CHAF1B: variants seen among roughly 807,000 people sequenced by gnomAD.
The protein encoded by CHAF1B is chromatin assembly factor 1 subunit B.
Under a neutral mutation model 60.7 loss-of-function variants are expected in CHAF1B, and 10 were observed. The ratio of observed to expected loss-of-function variants is 0.16; its 90% CI spans 0.10 to 0.28. The LOEUF (loss-of-function observed/expected upper bound fraction) is 0.28, where lower values mean the gene tolerates loss of function less well. Ranked by LOEUF, CHAF1B falls within the 10% of genes least tolerant of loss-of-function variation. The probability of loss-of-function intolerance (pLI) is 1.00; values close to 1 mark genes in which losing one functional copy is unlikely to be tolerated. For synonymous variants in CHAF1B, 261 were observed against 266.1 expected, an observed-to-expected ratio of 0.98 and a Z score of 0.19; for missense variants, 558 against 708.4, an observed-to-expected ratio of 0.79 and a Z score of 2.41.
At chr21:36,402,874 T>C in intron 8 of CHAF1B, 23 bp downstream of exon 8, 1 of 1,582,670 alleles carries the variant, frequency 6.3e-7, no homozygotes, top group Non-Finnish European at 8.7e-7. Context: ...GCTTTGGACT[T>C]AAAGGAATGA....
At chr21:36,387,221 TTTG>T (rs1042778043) in intron 2 of CHAF1B, among the ~76,000 whole-genome samples, 2 of 147,204 alleles carry the variant, frequency 1.4e-5, no homozygotes, top group African/African-American at 2.5e-5. Context: ...TAAGCATAGT[TTTG>T]TTTTTTTTTT....
intron 4 of CHAF1B, among the ~76,000 whole-genome samples, chr21:36,393,680 C>G (rs2086112374): frequency 6.6e-6 from 1 of 151,952 alleles, no homozygotes; most frequent in African/African-American, 2.4e-5. Context: ...TCTCAAACTC[C>G]CAACCTCAGG....
chr21:36,404,891 C>A (rs1037559636), intron 8 of CHAF1B, among the ~76,000 whole-genome samples: 3 of 151,512 alleles, frequency 2.0e-5, no homozygotes, highest in Non-Finnish European at 4.4e-5. Flanking sequence ...TTACAGGCGC[C>A]TGCCACCACA....
intron 13 of CHAF1B, chr21:36,415,868 T>C (rs1380792696): frequency 2.9e-6 from 1 of 346,142 alleles, no homozygotes; most frequent in South Asian, 2.2e-5. Context: ...TTCTCCTGCC[T>C]CGGCCTCCCG....
At chr21:36,387,975 C>T (rs149833910) in intron 3 of CHAF1B, among the ~76,000 whole-genome samples, 14,871 of 152,056 alleles carry the variant, frequency 0.098, 809 homozygotes, top group African/African-American at 0.13. Flanking sequence ...CCTGCCACCA[C>T]GCCCGGCTAG....
chr21:36,391,907 A>ATTTTTTTT (rs55920360), intron 4 of CHAF1B, among the ~76,000 whole-genome samples: 9 of 67,034 alleles, frequency 1.3e-4, no homozygotes, highest in East Asian at 1.3e-3. Context: ...TGATTTTTAA[A>ATTTTTTTT]TTTTTTTTTT....
rs142093091 is a variant in CHAF1B at position 36,386,218 on chromosome 21, A to C, written c.82A>C (p.Arg28=). 3 of 1,614,200 alleles carry C rather than the reference A, an allele frequency of 1.9e-6. No individual in the cohort carries two copies. The Admixed American group carries it at 5.0e-5, about 27-fold the overall frequency. ...SLDFQHGTAG[R]IHRLASAGVD... ...GGACTTCCAGCATGGGACGGCTGGG[A>C]GGATCCACAGACTGGCGTCTGCCGG... The change falls in exon 2 of 14, where the codon AGG becomes CGG. Residue 28 remains arginine, a synonymous_variant. Transcript: ENST00000314103.
In CHAF1B at chr21:36,416,465, G is replaced by T. The variant is rs893915140; in HGVS notation, c.*99G>T. 3.6e-6 allele frequency: 3 copies of T among 826,328 alleles called. No individual in the cohort carries two copies. Among genetic ancestry groups the T allele is most frequent in the Admixed American group, 5.6e-5 (2 of 35,938 alleles). The allele number at this position is 826,328 out of a possible 1,614,324, so 51.2% of individuals were successfully genotyped here. A position where few individuals can be genotyped will look rare whatever the true frequency, so the allele number is the denominator to read the frequency against. ...TGAGACCAGGGCTTCCATGGAGCGG[G>T]ACACACTGTAAATGGATTTCTATAA... On this transcript the variant is annotated 3_prime_UTR_variant, in exon 14 of 14. Coordinates refer to ENST00000314103, the MANE Select transcript of CHAF1B (RefSeq NM_005441.3).
In CHAF1B at chr21:36,413,235, C is replaced by T; in HGVS notation, c.1413C>T (p.Pro471=). 2 of 1,611,818 alleles carry T rather than the reference C, an allele frequency of 1.2e-6. No individual in the cohort carries two copies. The highest frequency in any genetic ancestry group is 1.1e-5 in the South Asian group (1 of 90,962). ...PGPSEEKTLQ[P]SSQNTKAHPS... ...CTTCGGAGGAGAAGACCCTGCAGCC[C>T]AGTAGTCAAAACACAAAAGCCCACC... Residue 471 remains proline (P), a synonymous_variant, in exon 12 of 14, where the codon CCC becomes CCT. Coordinates refer to ENST00000314103, the MANE Select transcript of CHAF1B (RefSeq NM_005441.3).
chr21:36,385,998 C>T, intron 1 of CHAF1B, 62 bp from the exon 2 acceptor site: 1 of 978,728 alleles, frequency 1.0e-6, no homozygotes, highest in Non-Finnish European at 1.5e-6. Context: ...TGGCTCCTGG[C>T]CCCTATTCAG....
At chr21:36,395,332 G>C (rs1377678025) in intron 5 of CHAF1B, among the ~76,000 whole-genome samples, 2 of 152,194 alleles carry the variant, frequency 1.3e-5, no homozygotes, top group African/African-American at 2.4e-5. Context: ...ACAGGCATGA[G>C]CCACCACACC....
rs1370451821 is a variant in CHAF1B at position 36,394,742 on chromosome 21, T to C, written c.481+92T>C. The C allele has an allele frequency of 9.9e-6, 9 of 906,132 alleles. No individual in the cohort carries two copies. In the African/African-American group the frequency reaches 1.0e-4, roughly 10 times the overall value. The allele number at this position is 906,132 out of a possible 1,614,324, so 56.1% of individuals were successfully genotyped here. A position where few individuals can be genotyped will look rare whatever the true frequency, so the allele number is the denominator to read the frequency against. ...TAACTTGCTTTAACTTTTTTTTTTT[T>C]TTTTTTTGAGACAGGATCTCACTCT... On this transcript the variant is annotated intron_variant, in intron 5 of 13. Transcript: ENST00000314103.
intron 3 of CHAF1B, among the ~76,000 whole-genome samples, chr21:36,389,800 T>TGTGCGCGCGCGC: frequency 1.8e-4 from 23 of 124,790 alleles, no homozygotes; most frequent in African/African-American, 4.6e-4. Flanking sequence ...TGTGTGTGTG[T>TGTGCGCGCGCGC]GCGCGCGCAC....
chr21:36,406,408 C>T (rs2086238347), intron 8 of CHAF1B, among the ~76,000 whole-genome samples: 1 of 152,176 alleles, frequency 6.6e-6, no homozygotes, highest in South Asian at 2.1e-4. Context: ...GCCTCAGCCT[C>T]CCAAGTAGCT....
intron 10 of CHAF1B, among the ~76,000 whole-genome samples, chr21:36,410,115 A>G (rs967409086): frequency 2.6e-5 from 4 of 151,876 alleles, no homozygotes; most frequent in Non-Finnish European, 5.9e-5. Flanking sequence ...GGCGCATGCC[A>G]CCACACCCAG....
Position 36,411,504 on chromosome 21 carries a change from G to A in CHAF1B, c.961G>A (p.Val321Met). The A allele has an allele frequency of 6.2e-7, 1 of 1,614,128 alleles. No individual in the cohort carries two copies. Among genetic ancestry groups the A allele is most frequent in the Non-Finnish European group, 8.5e-7 (1 of 1,180,032 alleles). The change falls in exon 11 of 14, where the codon GTG becomes ATG. Residue 321 changes from valine to methionine, a missense_variant. By Grantham distance (21) the Val-to-Met change is conservative. This residue lies in a region of CHAF1B where 325 missense variants were observed against 493.5 expected (regional missense o/e 0.66). Transcript: ENST00000314103. ...TCTGCCCTACCGCCTGGTGTTTGCTGTGGCCTCGGAGGATTCCGTGCTTCT... is the reference window on the plus strand; with the variant it reads ...TCTGCCCTACCGCCTGGTGTTTGCTATGGCCTCGGAGGATTCCGTGCTTCT... Reference protein sequence around the residue: ...MSLPYRLVFAVASEDSVLLYD... With the variant: ...MSLPYRLVFAMASEDSVLLYD...
At chr21:36,395,475 G>A (rs2086130195) in intron 5 of CHAF1B, among the ~76,000 whole-genome samples, 1 of 152,246 alleles carries the variant, frequency 6.6e-6, no homozygotes, top group Admixed American at 6.5e-5. Flanking sequence ...CTTAGCACTG[G>A]TGCTGCAAGT....
chr21:36,406,102 G>T (rs981364252), intron 8 of CHAF1B, among the ~76,000 whole-genome samples: 1 of 152,074 alleles, frequency 6.6e-6, no homozygotes, highest in East Asian at 1.9e-4. Context: ...TCCAGAAAAA[G>T]ATCTCAGGAT....
chr21:36,394,297 G>C lies in CHAF1B; in HGVS notation c.378-250G>C, dbSNP rs559713022. On this transcript the variant is annotated intron_variant, in intron 4 of 13. Transcript: ENST00000314103. ...TCACCATGTTGGCCAGGATGGTCTC[G>C]ATCTCCCGACCTTGTGATCTGCCTG... is the stretch of plus-strand genomic sequence containing the variant. Among the ~76,000 whole-genome samples the C allele has an allele frequency of 6.2e-4, 94 of 151,996 alleles. 1 individual carries two copies. The highest frequency in any genetic ancestry group is 1.9e-3 in the African/African-American group (79 of 41,464).
Sources: allele counts gnomAD v4.1 joint callset (sites outside exome capture counted in the v4.1 genomes callset), GRCh38; gene constraint gnomAD v4.1.1; regional missense constraint gnomAD v4.1.1; transcripts MANE v1.5; gene names NCBI Gene and HGNC (gene_info 2026-07-23, HGNC 2026-07-21).